Variants in FMN2 observed in about 807,000 individuals in gnomAD.
FMN2 encodes the protein formin-2.
FMN2 carries 51 observed loss-of-function variants against 142.3 expected under a neutral mutation model. The ratio of observed to expected loss-of-function variants is 0.36; its 90% confidence interval spans 0.29 to 0.45. The LOEUF (loss-of-function observed/expected upper bound fraction) is 0.45. Ranked by LOEUF, FMN2 falls within the 20% of genes least tolerant of loss-of-function variation. The pLI, the probability that FMN2 is intolerant of heterozygous loss-of-function variation, is 1.00. For missense variants in FMN2, 1,936 were observed against 2,122.8 expected, an observed-to-expected ratio of 0.91 and a Z score of 1.73; for synonymous variants, 882 against 869.8, an observed-to-expected ratio of 1.01 and a Z score of -0.25.
chr1:240,188,282 A>G lies in FMN2; in HGVS notation c.1986+20A>G, dbSNP rs377426447. 2 of 1,610,304 alleles carry G rather than the reference A, an allele frequency of 1.2e-6. No individual in the cohort carries two copies. Among genetic ancestry groups the G allele is most frequent in the Admixed American group, 1.7e-5 (1 of 59,848 alleles). ...CAGAAGGTAAGATGATCTTATTAGG[A>G]TGTCAGATTCCCATCTGTCTTATTT... On this transcript the variant is annotated intron_variant, in intron 4 of 17. Coordinates refer to ENST00000319653, the MANE Select transcript of FMN2 (RefSeq NM_020066.5).
intron 2 of FMN2, among the ~76,000 whole-genome samples, chr1:240,130,259 A>G (rs946486172): frequency 8.5e-5 from 13 of 152,190 alleles, no homozygotes; most frequent in African/African-American, 2.7e-4. Context: ...CACTCAAACA[A>G]GGATTTTCCT....
At chr1:240,459,135 C>G (rs1160489580) in intron 16 of FMN2, 9 of 152,316 alleles carry the variant, frequency 5.9e-5, no homozygotes, top group Admixed American at 5.2e-4. Flanking sequence ...AGCATATCAT[C>G]TGAGCATTGA....
chr1:240,098,097 A>ATTTTTGTTTTTTTTTTTTT (rs1661278396), intron 1 of FMN2, among the ~76,000 whole-genome samples: 1 of 98,690 alleles, frequency 1.0e-5, no homozygotes, highest in Non-Finnish European at 1.9e-5. Flanking sequence ...GTTATCTTGA[A>ATTTTTGTTTTTTTTTTTTT]TTTTTTTTTT....
chr1:240,142,806 G>A, intron 2 of FMN2: 1 of 1,586,972 alleles, frequency 6.3e-7, no homozygotes, highest in Non-Finnish European at 8.6e-7. Flanking sequence ...CTGGAACCCT[G>A]TGATGGTCTT....
chr1:240,438,354 T>A, intron 16 of FMN2, 144 bp downstream of exon 16: 1 of 774,494 alleles, frequency 1.3e-6, no homozygotes, highest in Non-Finnish European at 2.0e-6. Flanking sequence ...ATGCTGACAT[T>A]TGGCAAAATT....
chr1:240,401,483 T>C (rs900787760), intron 15 of FMN2, among the ~76,000 whole-genome samples: 26 of 152,208 alleles, frequency 1.7e-4, no homozygotes, highest in Non-Finnish European at 2.6e-4. Flanking sequence ...AGGTTCCTAA[T>C]CCATGGAATT....
chr1:240,313,840 G>A (rs548792076), intron 8 of FMN2, among the ~76,000 whole-genome samples: 2 of 152,048 alleles, frequency 1.3e-5, no homozygotes, highest in Admixed American at 6.5e-5. Flanking sequence ...TGGGCGTGGC[G>A]ATGTGTGCCT....
chr1:240,455,647 T>C (rs9659267), intron 16 of FMN2, among the ~76,000 whole-genome samples: 116,936 of 151,950 alleles, frequency 0.77, 45,038 homozygotes, highest in Middle Eastern at 0.83. Context: ...TACTGTACTC[T>C]GGCCTAGGCA....
intron 13 of FMN2, among the ~76,000 whole-genome samples, chr1:240,348,156 T>A (rs931157974): frequency 6.6e-6 from 1 of 152,120 alleles, no homozygotes; most frequent in Admixed American, 6.6e-5. Flanking sequence ...CTAATTTACA[T>A]CCTCATCAAC....
At chr1:240,363,451 T>C (rs987206543) in intron 14 of FMN2, among the ~76,000 whole-genome samples, 11 of 152,250 alleles carry the variant, frequency 7.2e-5, no homozygotes, top group Admixed American at 7.2e-4. Flanking sequence ...ACCAAAACAC[T>C]TGCCCTGCTG....
At chr1:240,437,836 G>A (rs1675452164) in intron 15 of FMN2, among the ~76,000 whole-genome samples, 1 of 152,136 alleles carries the variant, frequency 6.6e-6, no homozygotes, top group African/African-American at 2.4e-5. Context: ...AATTGGTCAA[G>A]GGGTAGTTAT....
Position 240,093,281 on chromosome 1 carries a change from C to G in FMN2, c.1172C>G (p.Ala391Gly), listed in dbSNP as rs1661071505. The G allele has an allele frequency of 6.2e-7, 1 of 1,606,146 alleles. No individual in the cohort carries two copies. Residue 391 changes from alanine (A) to glycine (G), a missense_variant, in exon 1 of 18, where the codon GCC becomes GGC. By Grantham distance (60) the Ala-to-Gly change is moderately conservative (BLOSUM62 0). Coordinates refer to ENST00000319653, the MANE Select transcript of FMN2 (RefSeq NM_020066.5). ...GAGGAGGAGGCGCAAGGACCTGACG[C>G]CCCCGCGGCCGCTTCCCTGCCCGGC... ...EPEEEAQGPD[A>G]PAAASLPGSP...
At chr1:240,243,582 A>G (rs1343221145) in intron 6 of FMN2, among the ~76,000 whole-genome samples, 21 of 152,224 alleles carry the variant, frequency 1.4e-4, no homozygotes, top group Admixed American at 1.2e-3. Flanking sequence ...TTGGATTACA[A>G]AATAAAACAC....
intron 6 of FMN2, among the ~76,000 whole-genome samples, chr1:240,240,106 C>T (rs1667841328): frequency 6.6e-6 from 1 of 152,094 alleles, no homozygotes; most frequent in Admixed American, 6.5e-5. Context: ...TAACACAGGG[C>T]GTTAAGGAAA....
rs145471005 is a variant in FMN2 at position 240,268,679 on chromosome 1, C to T, written c.4153+10647C>T. Among the ~76,000 whole-genome samples, 471 of 152,082 alleles carry T rather than the reference C, an allele frequency of 3.1e-3. 1 individual carries two copies. Among genetic ancestry groups the T allele is most frequent in the African/African-American group, 0.011 (459 of 41,546 alleles). ...CATTTTATTTTTCCTGATAGTTAAA[C>T]TAGTTTCTAGCTATGAATATAAAGT... is the stretch of plus-strand genomic sequence containing the variant. On this transcript the variant is annotated intron_variant, in intron 7 of 17. Transcript: ENST00000319653.
At chr1:240,303,165 G>A (rs1161885533) in intron 8 of FMN2, among the ~76,000 whole-genome samples, 1 of 152,144 alleles carries the variant, frequency 6.6e-6, no homozygotes, top group Non-Finnish European at 1.5e-5. Flanking sequence ...TGGGGACCTT[G>A]GTTTTTCTTG....
intron 7 of FMN2, among the ~76,000 whole-genome samples, chr1:240,275,776 C>T (rs896030439): frequency 7.9e-5 from 12 of 152,106 alleles, no homozygotes; most frequent in African/African-American, 1.2e-4. Context: ...TTTTAATGCT[C>T]GCCATTCTAA....
chr1:240,404,694 A>G (rs776454359), intron 15 of FMN2, among the ~76,000 whole-genome samples: 22 of 152,148 alleles, frequency 1.4e-4, no homozygotes, highest in Admixed American at 1.4e-3. Flanking sequence ...TCTTTGTACA[A>G]ATGGATTTTC....
intron 15 of FMN2, among the ~76,000 whole-genome samples, chr1:240,436,303 G>A (rs1443389261): frequency 2.0e-5 from 3 of 152,150 alleles, no homozygotes; most frequent in Non-Finnish European, 4.4e-5. Flanking sequence ...CCACACATTT[G>A]ATTAAATCAG....
Sources: allele counts gnomAD v4.1 joint callset (sites outside exome capture counted in the v4.1 genomes callset), GRCh38; gene constraint gnomAD v4.1.1; transcripts MANE v1.5; gene names NCBI Gene and HGNC (gene_info 2026-07-23, HGNC 2026-07-21).